KIZ: variants seen among roughly 807,000 people sequenced by gnomAD.
The protein encoded by KIZ is centrosomal protein kizuna.
Under a neutral mutation model 79.6 loss-of-function variants are expected in KIZ, and 68 were observed. That is an observed-to-expected ratio of 0.85 (90% CI 0.70 to 1.05). The LOEUF (loss-of-function observed/expected upper bound fraction) is 1.05, where lower values mean the gene tolerates loss of function less well. Ranked by LOEUF, KIZ falls within the 50% of genes least tolerant of loss-of-function variation. KIZ has a pLI of 0.00. For synonymous variants in KIZ, 280 were observed against 281.8 expected (o/e 0.99, Z 0.06); for missense variants, 797 against 800.4 (o/e 1.00, Z 0.05).
chr20:21,215,812 T>G lies in KIZ; in HGVS notation c.1678+164T>G, dbSNP rs181862557. ...CCTAAGAGCAGAACATATATACTTA[T>G]GTTAACATAAACTAAGGTGGAAAAT... is the stretch of plus-strand genomic sequence containing the variant. On this transcript the variant is annotated intron_variant, in intron 9 of 12. Transcript: ENST00000619189. 2.6e-5 allele frequency among the ~76,000 whole-genome samples: 4 copies of G among 152,326 alleles called. No individual in the cohort carries two copies. The South Asian group carries it at 8.3e-4, about 32-fold the overall frequency.
At chr20:21,215,183 A>G (rs1012908018) in intron 8 of KIZ, among the ~76,000 whole-genome samples, 2 of 152,236 alleles carry the variant, frequency 1.3e-5, no homozygotes, top group Non-Finnish European at 2.9e-5. Context: ...GCACCCAGAA[A>G]CTGTGATTAT....
rs201638838 is a variant in KIZ, at chr20:21,229,077, G to A, written c.1745G>A (p.Arg582Lys). Residue 582 changes from arginine (R) to lysine (K), a missense_variant, in exon 10 of 13, where the codon AGG (arginine) becomes AAG (lysine). Physicochemically the swap from Arg to Lys is conservative, Grantham distance 26 (BLOSUM62 2). Coordinates refer to ENST00000619189, the MANE Select transcript of KIZ (RefSeq NM_018474.6). ...GATAATACAAATCAAACTGAAAACA[G>A]GTTTCAAAAGACAGATGCTTCTGTG... ...LQDNTNQTEN[R>K]FQKTDASVSH... The A allele has an allele frequency of 1.2e-4, 201 of 1,612,002 alleles. No homozygotes were observed. Among genetic ancestry groups the A allele is most frequent in the Middle Eastern group, 9.9e-4 (6 of 6,054 alleles).
chr20:21,224,005 T>G (rs1185131095), intron 9 of KIZ, among the ~76,000 whole-genome samples: 1 of 150,982 alleles, frequency 6.6e-6, no homozygotes, highest in Non-Finnish European at 1.5e-5. Flanking sequence ...ATTTATTTAT[T>G]TTTTTGAGAT....
intron 6 of KIZ, among the ~76,000 whole-genome samples, chr20:21,169,753 A>G (rs1266007375): frequency 1.3e-5 from 2 of 152,100 alleles, no homozygotes; most frequent in African/African-American, 2.4e-5. Flanking sequence ...CCCCACCTGA[A>G]CCCCTTGCAA....
intron 3 of KIZ, among the ~76,000 whole-genome samples, chr20:21,143,112 A>G (rs771766754): frequency 3.9e-5 from 6 of 152,198 alleles, no homozygotes; most frequent in Non-Finnish European, 8.8e-5. Context: ...GATATTGGAA[A>G]AAAATAGGAG....
chr20:21,159,347 A>G (rs2033547555), intron 4 of KIZ, among the ~76,000 whole-genome samples: 1 of 151,908 alleles, frequency 6.6e-6, no homozygotes, highest in Non-Finnish European at 1.5e-5. Flanking sequence ...TTTTTTATTC[A>G]TTTGTTCATT....
intron 7 of KIZ, among the ~76,000 whole-genome samples, chr20:21,206,878 A>T (rs1382494075): frequency 6.6e-6 from 1 of 152,166 alleles, no homozygotes; most frequent in Non-Finnish European, 1.5e-5. Context: ...ATGGAAATGG[A>T]TGGAGCAAGT....
intron 4 of KIZ, among the ~76,000 whole-genome samples, chr20:21,158,978 A>T (rs1348651625): frequency 1.1e-5 from 1 of 92,428 alleles, no homozygotes; most frequent in African/African-American, 3.0e-5. Flanking sequence ...ATATATATAC[A>T]CATATATTTA....
At chr20:21,211,437 A>G (rs533594114) in intron 7 of KIZ, among the ~76,000 whole-genome samples, 10 of 152,208 alleles carry the variant, frequency 6.6e-5, no homozygotes, top group African/African-American at 4.8e-5. Context: ...GCTGAGACCA[A>G]TGGAACAATC....
At position 21,161,971 on chromosome 20, in the gene KIZ, G is replaced by T; in HGVS notation, c.506G>T (p.Ser169Ile). 1 of 1,613,934 alleles carries T rather than the reference G, an allele frequency of 6.2e-7. No homozygotes were observed. The highest frequency in any genetic ancestry group is 8.5e-7 in the Non-Finnish European group (1 of 1,179,860). The change falls in exon 5 of 13, where the codon AGC becomes ATC. Residue 169 changes from serine to isoleucine, a missense_variant. By Grantham distance (142) the Ser-to-Ile change is moderately radical (BLOSUM62 -2). Transcript: ENST00000619189. ...GGCCGCCAAATGTCAGCCATCTTAA[G>T]CATGAGAGATTTCAGTACAGAGCAC... The part of the protein sequence containing the change: ...FMGRQMSAIL[S>I]MRDFSTEHKS...
intron 7 of KIZ, 61 bp from the exon 8 acceptor site, chr20:21,214,474 C>T (rs144464930): frequency 9.0e-6 from 11 of 1,221,190 alleles, no homozygotes; most frequent in Middle Eastern, 5.2e-4. Context: ...ATCTTTGAGA[C>T]CAAGAGGAAT....
chr20:21,185,108 G>A (rs772484901), intron 6 of KIZ, among the ~76,000 whole-genome samples: 4 of 152,044 alleles, frequency 2.6e-5, no homozygotes, highest in Non-Finnish European at 4.4e-5. Context: ...GCACGTGCAC[G>A]TGCTTTCTGT....
intron 10 of KIZ, among the ~76,000 whole-genome samples, chr20:21,230,740 T>A (rs1363278840): frequency 6.6e-6 from 1 of 152,182 alleles, no homozygotes; most frequent in African/African-American, 2.4e-5. Context: ...CATAAGACAT[T>A]GTAGTTTATT....
chr20:21,189,417 TG>T (rs558563273), intron 6 of KIZ, among the ~76,000 whole-genome samples: 35 of 152,266 alleles, frequency 2.3e-4, no homozygotes, highest in Admixed American at 1.8e-3. Flanking sequence ...CTATTAAAAA[TG>T]GGTGATTGGT....
chr20:21,190,474 T>A lies in KIZ; in HGVS notation c.1353-15017T>A, dbSNP rs145468546. 3.9e-5 allele frequency among the ~76,000 whole-genome samples: 6 copies of A among 152,366 alleles called. No individual in the cohort carries two copies. In the East Asian group the frequency reaches 1.2e-3, roughly 29 times the overall value. On this transcript the variant is annotated intron_variant, in intron 6 of 12. Transcript: ENST00000619189. Reference sequence around the variant, plus strand: ...TCTCTGGTTCCCAGTTGAATTTGTGTACCTGTGGATGGGAGAGTCACTAGA... The same window carrying A: ...TCTCTGGTTCCCAGTTGAATTTGTGAACCTGTGGATGGGAGAGTCACTAGA...
At chr20:21,176,742 A>G (rs2034452767) in intron 6 of KIZ, among the ~76,000 whole-genome samples, 1 of 152,202 alleles carries the variant, frequency 6.6e-6, no homozygotes, top group African/African-American at 2.4e-5. Context: ...AAGAAAGGAT[A>G]GGTAATGTAA....
At position 21,246,504 on chromosome 20, in the gene KIZ, T is replaced by G. The variant is rs1411490424; in HGVS notation, c.1950T>G (p.Ser650Arg). 6.2e-7 allele frequency: 1 copy of G among 1,609,892 alleles called. No homozygotes were observed. Among genetic ancestry groups the G allele is most frequent in the Middle Eastern group, 1.7e-4 (1 of 6,044 alleles). The change falls in exon 13 of 13, where the codon AGT becomes AGG. Residue 650 changes from serine to arginine, a missense_variant. Coordinates refer to ENST00000619189, the MANE Select transcript of KIZ (RefSeq NM_018474.6). ...CCCTCTGGGATGAGTCTGATGACAG[T>G]AACTCAGAAATTGAGGCTGCTTTAC... is the stretch of plus-strand genomic sequence containing the variant. Reference protein sequence around the residue: ...SNALWDESDDSNSEIEAALRP... With the variant: ...SNALWDESDDRNSEIEAALRP...
chr20:21,177,003 T>C (rs542856806), intron 6 of KIZ, among the ~76,000 whole-genome samples: 19 of 152,398 alleles, frequency 1.2e-4, no homozygotes, highest in African/African-American at 4.6e-4. Flanking sequence ...ATTCATCCAT[T>C]GATGAACATT....
intron 9 of KIZ, among the ~76,000 whole-genome samples, chr20:21,216,099 T>G (rs982201775): frequency 6.6e-6 from 1 of 152,240 alleles, no homozygotes; most frequent in African/African-American, 2.4e-5. Flanking sequence ...AAAGCCTGTC[T>G]GATAATTTAA....
Sources: gnomAD v4.1 joint callset for allele counts (sites outside exome capture counted in the v4.1 genomes callset) on GRCh38, gnomAD v4.1.1 for gene constraint, MANE v1.5 for transcripts, NCBI Gene and HGNC (gene_info 2026-07-23, HGNC 2026-07-21) for gene names.